The following FAM76A variants were observed in gnomAD, a reference collection of about 807,000 sequenced individuals.
The protein encoded by FAM76A is protein FAM76A.
Under a neutral mutation model 46.2 loss-of-function variants are expected in FAM76A, and 32 were observed. The ratio of observed to expected loss-of-function variants is 0.69; its 90% confidence interval spans 0.52 to 0.93. The LOEUF is 0.93. Among genes scored for constraint, FAM76A ranks in the 40% least tolerant of loss-of-function variants. The pLI, the probability that FAM76A is intolerant of heterozygous loss-of-function variation, is 0.00. For synonymous variants in FAM76A, 137 were observed against 127.0 expected (o/e 1.08, Z -0.53); for missense variants, 274 against 361.5 (o/e 0.76, Z 1.96).
rs1478833056 is a variant in FAM76A at position 27,762,968 on chromosome 1, T to C, written c.*2387T>C. 4.6e-5 allele frequency: 7 copies of C among 152,222 alleles called. No individual in the cohort carries two copies. Among genetic ancestry groups the C allele is most frequent in the Non-Finnish European group, 1.5e-5 (1 of 68,030 alleles). 9.4% of individuals were successfully genotyped at this position (152,222 alleles called of 1,614,324 possible). On this transcript the variant is annotated 3_prime_UTR_variant, in exon 9 of 9. Coordinates refer to ENST00000373954, the MANE Select transcript of FAM76A (RefSeq NM_152660.3). ...TTTTGATTTTTAAAAATCATGACAC[T>C]GTTTTACCATGAAATTGAGTAGCTA...
intron 4 of FAM76A, among the ~76,000 whole-genome samples, chr1:27,734,945 G>A (rs1230227627): frequency 2.0e-5 from 3 of 152,224 alleles, no homozygotes; most frequent in African/African-American, 7.2e-5. Flanking sequence ...TTAGAGTTTG[G>A]TCATATTACT....
chr1:27,740,755 G>A, intron 4 of FAM76A: 1 of 365,374 alleles, frequency 2.7e-6, no homozygotes, highest in South Asian at 3.1e-5. Flanking sequence ...TCATTCTAAT[G>A]ATTAAAATTG....
chr1:27,745,074 C>T (rs904277740), intron 5 of FAM76A, among the ~76,000 whole-genome samples: 1 of 152,156 alleles, frequency 6.6e-6, no homozygotes, highest in Non-Finnish European at 1.5e-5. Context: ...AGTGTTCTCA[C>T]CCTTAGAGTG....
chr1:27,730,487 A>G (rs2087939295), intron 2 of FAM76A, among the ~76,000 whole-genome samples: 1 of 151,568 alleles, frequency 6.6e-6, no homozygotes, highest in African/African-American at 2.4e-5. Context: ...CGCCCAGCCT[A>G]GAGTTAGTTT....
intron 7 of FAM76A, among the ~76,000 whole-genome samples, chr1:27,757,804 G>A (rs1254670166): frequency 6.6e-6 from 1 of 152,132 alleles, no homozygotes; most frequent in East Asian, 1.9e-4. Context: ...GTGAAACCCT[G>A]TCTCTACTAA....
chr1:27,758,742 C>G (rs893393626), intron 7 of FAM76A, among the ~76,000 whole-genome samples: 58 of 137,422 alleles, frequency 4.2e-4, no homozygotes, highest in Admixed American at 3.0e-3. Flanking sequence ...TGGTCTCAAA[C>G]TCCTGAGCTC....
chr1:27,733,346 C>A (rs188874881), intron 3 of FAM76A, among the ~76,000 whole-genome samples: 10 of 152,288 alleles, frequency 6.6e-5, no homozygotes, highest in African/African-American at 2.4e-4. Context: ...TGCTTGTAAG[C>A]ATTCTCCCAA....
chr1:27,733,806 C>T (rs186764834), intron 3 of FAM76A, among the ~76,000 whole-genome samples: 8 of 151,844 alleles, frequency 5.3e-5, no homozygotes, highest in Non-Finnish European at 5.9e-5. Flanking sequence ...GCTGAGATTG[C>T]GCCACTGCAC....
intron 8 of FAM76A, chr1:27,760,090 G>A (rs144740738): frequency 5.7e-5 from 24 of 423,580 alleles, no homozygotes; most frequent in African/African-American, 4.5e-4. Context: ...ACTTTGTATT[G>A]TTTCACTCTT....
chr1:27,760,290 A>T, intron 8 of FAM76A: 1 of 440,814 alleles, frequency 2.3e-6, no homozygotes, highest in African/African-American at 2.0e-5. Context: ...AGATTGAGGT[A>T]CACTGATTAA....
intron 2 of FAM76A, chr1:27,730,477 C>G: frequency 6.6e-6 from 1 of 151,828 alleles, no homozygotes; most frequent in East Asian, 2.0e-4. Flanking sequence ...TGAGCCACCG[C>G]GCCCAGCCTA....
intron 4 of FAM76A, chr1:27,740,515 T>C: frequency 1.4e-6 from 2 of 1,397,008 alleles, no homozygotes; most frequent in Non-Finnish European, 1.0e-6. Flanking sequence ...AGGCAGGAGC[T>C]AACATGATTA....
intron 6 of FAM76A, among the ~76,000 whole-genome samples, chr1:27,749,577 A>T (rs2088300439): frequency 6.6e-6 from 1 of 152,116 alleles, no homozygotes; most frequent in South Asian, 2.1e-4. Flanking sequence ...TGTTGACTTG[A>T]ACTCCTGGCC....
rs1049405130 is a variant in FAM76A at position 27,758,590 on chromosome 1, C to T, written c.736-936C>T. Among the ~76,000 whole-genome samples the T allele has an allele frequency of 7.9e-5, 12 of 152,200 alleles. No individual in the cohort carries two copies. In the East Asian group the frequency reaches 1.9e-3, roughly 24 times the overall value. The stretch of plus-strand genomic sequence containing the variant: ...AGTCTCAGCTCACTGTAAACTCAAC[C>T]TCCCTGGCTCAAGCGATCCTCCCAC... On this transcript the variant is annotated intron_variant, in intron 7 of 8. Coordinates refer to ENST00000373954, the MANE Select transcript of FAM76A (RefSeq NM_152660.3).
Position 27,749,117 on chromosome 1 carries a change from A to C in FAM76A, c.562A>C (p.Lys188Gln). 1.2e-6 allele frequency: 2 copies of C among 1,607,522 alleles called. No homozygotes were observed. The highest frequency in any genetic ancestry group is 1.7e-6 in the Non-Finnish European group (2 of 1,178,736). Residue 188 changes from lysine to glutamine, a missense_variant, in exon 6 of 9, where the codon AAG (lysine) becomes CAG (glutamine). Lys to Gln is a moderately conservative substitution (Grantham distance 53). Coordinates refer to ENST00000373954, the MANE Select transcript of FAM76A (RefSeq NM_152660.3). ...AATTCAAAATGAAATCCCAAAGAAA[A>C]AGTCCAAGTTTGAGTCAATCACAAC... ...SSIQNEIPKK[K>Q]SKFESITTNG...
At chr1:27,737,064 C>G (rs2088060440) in intron 4 of FAM76A, among the ~76,000 whole-genome samples, 1 of 152,198 alleles carries the variant, frequency 6.6e-6, no homozygotes, top group South Asian at 2.1e-4. Flanking sequence ...ATTCTCCTGC[C>G]TCAGCCTCCC....
intron 7 of FAM76A, among the ~76,000 whole-genome samples, chr1:27,756,164 A>G (rs536449757): frequency 6.6e-6 from 1 of 152,188 alleles, no homozygotes; most frequent in Admixed American, 6.5e-5. Context: ...TTCATGGGAC[A>G]TTTCTTCCTC....
rs1289988072 is a variant in FAM76A, at chr1:27,727,493, G to T, written c.103G>T (p.Val35Phe). 6.2e-7 allele frequency: 1 copy of T among 1,613,702 alleles called. No individual in the cohort carries two copies. The change falls in exon 2 of 9, where the codon GTT becomes TTT. Residue 35 changes from valine to phenylalanine, a missense_variant. Transcript: ENST00000373954. Reference protein sequence around the residue: ...LCKECRIAHPVVKCTYCRTEY... With the variant: ...LCKECRIAHPFVKCTYCRTEY... ...TCAGGAATGTCGGATTGCACACCCT[G>T]TTGTGAAGTGCACCTACTGCAGGAC...
intron 3 of FAM76A, 50 bp from the exon 4 acceptor site, chr1:27,733,981 T>G: frequency 6.5e-7 from 1 of 1,547,010 alleles, no homozygotes; most frequent in South Asian, 1.2e-5. Context: ...TTAAATGCAG[T>G]GGTATTTTAT....
Sources: allele counts gnomAD v4.1 joint callset (sites outside exome capture counted in the v4.1 genomes callset), GRCh38; gene constraint gnomAD v4.1.1; transcripts MANE v1.5; gene names NCBI Gene and HGNC (gene_info 2026-07-23, HGNC 2026-07-21).